The following MAST4 variants were observed in gnomAD, a reference collection of about 807,000 sequenced individuals.
MAST4 encodes the protein microtubule associated serine/threonine kinase family member 4.
In MAST4, 89 loss-of-function variants were observed where a neutral mutation model predicts 162.7. The observed-to-expected ratio is 0.55, with a 90% CI of 0.46 to 0.65. MAST4 has a LOEUF of 0.65. Among genes scored for constraint, MAST4 ranks in the 30% least tolerant of loss-of-function variants. MAST4 has a pLI of 0.00. For synonymous variants in MAST4, 1,479 were observed against 1,361.1 expected (o/e 1.09, Z -1.91); for missense variants, 3,153 against 3,374.0 (o/e 0.93, Z 1.62).
intron 4 of MAST4, among the ~76,000 whole-genome samples, chr5:66,986,938 A>C (rs1278454411): frequency 6.6e-6 from 1 of 152,188 alleles, no homozygotes; most frequent in Non-Finnish European, 1.5e-5. Context: ...TGTTTCAAAC[A>C]AATATGCATG....
intron 2 of MAST4, among the ~76,000 whole-genome samples, chr5:66,778,870 G>A (rs1754723000): frequency 6.6e-6 from 1 of 152,168 alleles, no homozygotes; most frequent in Non-Finnish European, 1.5e-5. Context: ...AGACATGTAT[G>A]TTCTGTTGTT....
At chr5:66,795,707 T>C (rs1443596935) in intron 3 of MAST4, among the ~76,000 whole-genome samples, 1 of 137,880 alleles carries the variant, frequency 7.3e-6, no homozygotes, top group African/African-American at 2.9e-5. Flanking sequence ...TGCTGCCTCC[T>C]ATAACATCTT....
At chr5:67,020,090 T>A (rs1457683860) in intron 4 of MAST4, among the ~76,000 whole-genome samples, 1 of 152,200 alleles carries the variant, frequency 6.6e-6, no homozygotes, top group South Asian at 2.1e-4. Flanking sequence ...CCCTTGAGTT[T>A]CAGGCACTGA....
intron 4 of MAST4, among the ~76,000 whole-genome samples, chr5:66,907,520 G>T (rs1763450509): frequency 6.6e-6 from 1 of 151,442 alleles, no homozygotes; most frequent in Non-Finnish European, 1.5e-5. Context: ...TTCTAAAATT[G>T]GAATTTCTGA....
intron 19 of MAST4, among the ~76,000 whole-genome samples, chr5:67,138,488 C>T (rs1271343320): frequency 4.6e-5 from 7 of 152,124 alleles, no homozygotes. Context: ...GGCTGGAGTG[C>T]AGTGGTGCGA....
At chr5:66,749,018 G>A (rs1453101908) in intron 1 of MAST4, among the ~76,000 whole-genome samples, 1 of 151,950 alleles carries the variant, frequency 6.6e-6, no homozygotes, top group Non-Finnish European at 1.5e-5. Flanking sequence ...TTCTTTGAGT[G>A]GTATAGAACA....
chr5:66,659,499 G>C (rs1267942488), intron 1 of MAST4, among the ~76,000 whole-genome samples: 2 of 152,206 alleles, frequency 1.3e-5, no homozygotes, highest in Non-Finnish European at 1.5e-5. Flanking sequence ...AGTTTTAAAA[G>C]ATTTGTAGGC....
chr5:67,031,489 C>A (rs1755320799), intron 4 of MAST4, among the ~76,000 whole-genome samples: 1 of 152,082 alleles, frequency 6.6e-6, no homozygotes. Flanking sequence ...GTGGTATGCT[C>A]CATTTGCACT....
At chr5:67,042,526 T>G (rs1301057282) in intron 4 of MAST4, among the ~76,000 whole-genome samples, 3 of 152,186 alleles carry the variant, frequency 2.0e-5, no homozygotes, top group African/African-American at 7.2e-5. Flanking sequence ...GACCTCTTTT[T>G]TTTTTTTTCC....
At position 66,829,104 on chromosome 5, in the gene MAST4, A is replaced by G. The variant is rs539794064; in HGVS notation, c.642+40310A>G. 1.4e-3 allele frequency among the ~76,000 whole-genome samples: 218 copies of G among 151,960 alleles called. 2 individuals carry two copies. Among genetic ancestry groups the G allele is most frequent in the African/African-American group, 5.1e-3 (211 of 41,440 alleles). ...GACAATAGATATGACTTTTAGTTTGACACTTTGGTGGTTTGTTTTTCTACT... is the reference window on the plus strand; with the variant it reads ...GACAATAGATATGACTTTTAGTTTGGCACTTTGGTGGTTTGTTTTTCTACT... On this transcript the variant is annotated intron_variant, in intron 3 of 28. Coordinates refer to ENST00000403625, the MANE Select transcript of MAST4 (RefSeq NM_001164664.2).
At position 67,163,725 on chromosome 5, in the gene MAST4, C is replaced by G; in HGVS notation, c.4546C>G (p.Arg1516Gly). ...EQGCLKRPVSRKVGRQESVDD... is the reference protein window; with the variant it reads ...EQGCLKRPVSGKVGRQESVDD... ...AGGCTGCCTGAAACGCCCAGTCTCC[C>G]GGAAGGTGGGCCGCCAGGAGTCTGT... Residue 1516 changes from arginine (R) to glycine (G), a missense_variant, in exon 29 of 29, where the codon CGG (arginine) becomes GGG (glycine). Physicochemically the swap from Arg to Gly is moderately radical, Grantham distance 125 (BLOSUM62 -2). Transcript: ENST00000403625. The surrounding 1 kb of genome is among the most constrained non-coding windows in gnomAD (Gnocchi z 7.0). 1.2e-6 allele frequency: 2 copies of G among 1,608,514 alleles called. No homozygotes were observed. The highest frequency in any genetic ancestry group is 1.7e-6 in the Non-Finnish European group (2 of 1,177,848).
chr5:66,890,036 CT>C (rs528178812), intron 3 of MAST4, among the ~76,000 whole-genome samples: 48 of 151,944 alleles, frequency 3.2e-4, no homozygotes, highest in African/African-American at 9.2e-4. Flanking sequence ...ATTTTAGCTT[CT>C]TTTTTTTATG....
chr5:66,821,747 T>G (rs1282653258), intron 3 of MAST4, among the ~76,000 whole-genome samples: 1 of 152,166 alleles, frequency 6.6e-6, no homozygotes, highest in Non-Finnish European at 1.5e-5. Context: ...GCTGTCTGAC[T>G]TGGGTGTTGA....
intron 1 of MAST4, among the ~76,000 whole-genome samples, chr5:66,678,384 C>G (rs1748094886): frequency 6.6e-6 from 1 of 152,002 alleles, no homozygotes; most frequent in African/African-American, 2.4e-5. Context: ...TAAGTAGATC[C>G]TAATTGCTGA....
In MAST4 at chr5:66,888,056, T is replaced by A. The variant is rs868820977; in HGVS notation, c.643-11895T>A. Reference sequence around the variant, plus strand: ...ACCCCGTCTCTACTAAAAAAAAAAATAAAAATAAAATAGTACATTGGAGAA... The same window carrying A: ...ACCCCGTCTCTACTAAAAAAAAAAAAAAAAATAAAATAGTACATTGGAGAA... On this transcript the variant is annotated intron_variant, in intron 3 of 28. Coordinates refer to ENST00000403625, the MANE Select transcript of MAST4 (RefSeq NM_001164664.2). 5.0e-4 allele frequency among the ~76,000 whole-genome samples: 76 copies of A among 151,556 alleles called. No individual in the cohort carries two copies. The South Asian group carries it at 5.2e-3, about 10-fold the overall frequency.
chr5:67,102,885 G>T (rs532356765), intron 9 of MAST4, among the ~76,000 whole-genome samples: 2 of 152,216 alleles, frequency 1.3e-5, no homozygotes, highest in East Asian at 3.8e-4. Flanking sequence ...GTGAGGTGCC[G>T]TAGGGAGGGT....
intron 1 of MAST4, among the ~76,000 whole-genome samples, chr5:66,613,023 G>C (rs568310349): frequency 6.6e-6 from 1 of 152,192 alleles, no homozygotes; most frequent in East Asian, 1.9e-4. Flanking sequence ...CTTATCAAGA[G>C]TACTGTTTCT....
chr5:67,134,515 T>C lies in MAST4; in HGVS notation c.2227-8T>C. The C allele has an allele frequency of 6.2e-7, 1 of 1,608,328 alleles. No individual in the cohort carries two copies. The highest frequency in any genetic ancestry group is 8.5e-7 in the Non-Finnish European group (1 of 1,177,220). On this transcript the variant is annotated splice_region_variant and splice_polypyrimidine_tract_variant and intron_variant, in intron 17 of 28. Transcript: ENST00000403625. ...TCCAATTATTCTAATATTGCAATTA[T>C]CTTTTAGGTCTGTGGCACACCTGAA...
chr5:66,896,823 C>T (rs1762714467), intron 3 of MAST4, among the ~76,000 whole-genome samples: 1 of 152,180 alleles, frequency 6.6e-6, no homozygotes. Context: ...ACGCTTCTTT[C>T]TTCTCAGACT....
Sources: gnomAD v4.1 joint callset for allele counts (sites outside exome capture counted in the v4.1 genomes callset) on GRCh38, gnomAD v4.1.1 for gene constraint, Gnocchi (gnomAD v3.1) non-coding constraint, MANE v1.5 for transcripts, NCBI Gene and HGNC (gene_info 2026-07-23, HGNC 2026-07-21) for gene names.